Variants in SLC25A17 observed in about 807,000 individuals in gnomAD.
The protein encoded by SLC25A17 is solute carrier family 25 member 17.
A neutral mutation model predicts 38.5 loss-of-function variants in SLC25A17; 26 were observed. That is an observed-to-expected ratio of 0.68 (90% CI 0.50 to 0.94). The LOEUF (loss-of-function observed/expected upper bound fraction) is 0.94. Among genes scored for constraint, SLC25A17 ranks in the 40% least tolerant of loss-of-function variants. The pLI, the probability that SLC25A17 is intolerant of heterozygous loss-of-function variation, is 0.00. For synonymous variants in SLC25A17, 139 were observed against 136.2 expected (o/e 1.02, Z -0.14); for missense variants, 333 against 372.7 (o/e 0.89, Z 0.88).
chr22:40,794,159 A>C (rs1010762683), intron 3 of SLC25A17, among the ~76,000 whole-genome samples: 1 of 152,214 alleles, frequency 6.6e-6, no homozygotes, highest in African/African-American at 2.4e-5. Context: ...TAAAAAGCTA[A>C]AACAAGAAGT....
At chr22:40,778,874 T>G (rs932353614) in intron 5 of SLC25A17, 135 bp downstream of exon 5, 1 of 711,946 alleles carries the variant, frequency 1.4e-6, no homozygotes, top group South Asian at 1.9e-5. Context: ...TTAAACAAAT[T>G]TACAAGAAAA....
intron 4 of SLC25A17, among the ~76,000 whole-genome samples, chr22:40,784,801 A>G (rs549001697): frequency 1.3e-3 from 197 of 151,588 alleles, no homozygotes; most frequent in African/African-American, 4.6e-3. Flanking sequence ...AAAAAAAAAA[A>G]AAAAGAAAAG....
At chr22:40,815,021 G>A (rs1158186401) in intron 1 of SLC25A17, among the ~76,000 whole-genome samples, 8 of 151,694 alleles carry the variant, frequency 5.3e-5, no homozygotes, top group Non-Finnish European at 1.0e-4. Flanking sequence ...GGGTTTCACC[G>A]TGTTAGTCAG....
intron 1 of SLC25A17, among the ~76,000 whole-genome samples, chr22:40,809,545 T>C (rs761737881): frequency 1.2e-4 from 18 of 151,928 alleles, no homozygotes; most frequent in South Asian, 2.1e-4. Context: ...AGTGGGAGAA[T>C]TGCTTGAGCC....
At chr22:40,783,397 A>G (rs2057310654) in intron 4 of SLC25A17, among the ~76,000 whole-genome samples, 1 of 152,218 alleles carries the variant, frequency 6.6e-6, no homozygotes, top group South Asian at 2.1e-4. Flanking sequence ...ATCTAATCCA[A>G]TCACCAAGTG....
In SLC25A17 at chr22:40,816,816, A is replaced by G. The variant is rs547942987; in HGVS notation, c.54+2379T>C. ...AGTAGAGACGGGGTTTCACCATGTT[A>G]GCCAGGCTGGCCTCGAACTCCTGAC... On this transcript the variant is annotated intron_variant, in intron 1 of 8. Transcript: ENST00000435456. 9.2e-5 allele frequency among the ~76,000 whole-genome samples: 14 copies of G among 152,070 alleles called. No homozygotes were observed. The South Asian group carries it at 1.7e-3, about 18-fold the overall frequency.
At chr22:40,811,735 G>A (rs1293245899) in intron 1 of SLC25A17, among the ~76,000 whole-genome samples, 1 of 152,126 alleles carries the variant, frequency 6.6e-6, no homozygotes, top group African/African-American at 2.4e-5. Context: ...GCTCTCCCAT[G>A]AACTAACAGT....
chr22:40,792,277 G>A (rs562318406), intron 4 of SLC25A17, among the ~76,000 whole-genome samples: 28 of 152,102 alleles, frequency 1.8e-4, no homozygotes, highest in African/African-American at 6.3e-4. Context: ...AATCAGGTCT[G>A]CAATATGCAA....
intron 1 of SLC25A17, among the ~76,000 whole-genome samples, chr22:40,801,230 T>G (rs2057481588): frequency 6.8e-6 from 1 of 147,550 alleles, no homozygotes; most frequent in Non-Finnish European, 1.5e-5. Context: ...AGGCCTATTA[T>G]CAATTTAAAT....
At chr22:40,817,819 ACC>A (rs1198978132) in intron 1 of SLC25A17, among the ~76,000 whole-genome samples, 2 of 152,034 alleles carry the variant, frequency 1.3e-5, no homozygotes, top group Non-Finnish European at 2.9e-5. Context: ...GCCCCCTGAA[ACC>A]TATTTGCCTC....
chr22:40,799,004 G>C lies in SLC25A17; in HGVS notation c.115+19C>G, dbSNP rs2057456328. On this transcript the variant is annotated intron_variant, in intron 2 of 8. Transcript: ENST00000435456. ...TTGCTTCCTGACACCATACAAATAG[G>C]AGTATGATTTCTACTTACCCTGAAG... 6.5e-7 allele frequency: 1 copy of C among 1,534,988 alleles called. No individual in the cohort carries two copies. Among genetic ancestry groups the C allele is most frequent in the Non-Finnish European group, 9.0e-7 (1 of 1,109,208 alleles).
intron 4 of SLC25A17, 34 bp downstream of exon 4, chr22:40,792,491 A>G: frequency 6.5e-7 from 1 of 1,545,900 alleles, no homozygotes; most frequent in Non-Finnish European, 8.8e-7. Context: ...CAAGGTAAAT[A>G]TAAAAACATT....
intron 1 of SLC25A17, among the ~76,000 whole-genome samples, chr22:40,816,739 T>G (rs999277927): frequency 9.9e-5 from 15 of 151,952 alleles, no homozygotes; most frequent in African/African-American, 3.6e-4. Context: ...GCCTCCCGAG[T>G]AGCTGGGATT....
chr22:40,810,805 T>C (rs951939805), intron 1 of SLC25A17, among the ~76,000 whole-genome samples: 1 of 152,224 alleles, frequency 6.6e-6, no homozygotes, highest in African/African-American at 2.4e-5. Flanking sequence ...TAGTTGTTTG[T>C]TTTGGAATTT....
At chr22:40,783,637 C>T (rs2057312415) in intron 4 of SLC25A17, among the ~76,000 whole-genome samples, 1 of 151,598 alleles carries the variant, frequency 6.6e-6, no homozygotes, top group Non-Finnish European at 1.5e-5. Flanking sequence ...TTACCATTCC[C>T]AGCACTGAAG....
chr22:40,788,280 G>C (rs1264852452), intron 4 of SLC25A17, among the ~76,000 whole-genome samples: 3 of 152,150 alleles, frequency 2.0e-5, no homozygotes, highest in Admixed American at 1.3e-4. Context: ...GCTATGACAT[G>C]ATGGGCTTAA....
intron 1 of SLC25A17, among the ~76,000 whole-genome samples, chr22:40,813,350 C>T (rs1004197394): frequency 2.6e-5 from 4 of 151,984 alleles, no homozygotes; most frequent in Non-Finnish European, 5.9e-5. Context: ...CCAGCCTGGC[C>T]AACACGGTGA....
Position 40,777,267 on chromosome 22 carries a change from A to G in SLC25A17, c.558T>C (p.Tyr186=). The change falls in exon 6 of 9, where the codon TAT becomes TAC. Residue 186 remains tyrosine (Y), a synonymous_variant. Transcript: ENST00000435456. ...VFNPAIQFMF[Y]EGLKRQLLKK... ...TTAAAAGCTGCCGTTTTAAACCTTC[A>G]TAAAACATGAACTGGATGGCAGGAT... 3 of 1,614,236 alleles carry G rather than the reference A, an allele frequency of 1.9e-6. No homozygotes were observed. The highest frequency in any genetic ancestry group is 2.5e-6 in the Non-Finnish European group (3 of 1,180,030).
Position 40,806,612 on chromosome 22 carries a change from A to G in SLC25A17, c.55-7529T>C, listed in dbSNP as rs6002155. Reference sequence around the variant, plus strand: ...AAAGGTGAAATTAACATATTATAAAATTAACCATTTTAAAGTATTCCATTC... The same window carrying G: ...AAAGGTGAAATTAACATATTATAAAGTTAACCATTTTAAAGTATTCCATTC... On this transcript the variant is annotated intron_variant, in intron 1 of 8. Coordinates refer to ENST00000435456, the MANE Select transcript of SLC25A17 (RefSeq NM_006358.4). Among the ~76,000 whole-genome samples, 546 of 152,290 alleles carry G rather than the reference A, an allele frequency of 3.6e-3. 5 individuals are homozygous for G. Among genetic ancestry groups the G allele is most frequent in the African/African-American group, 0.013 (525 of 41,538 alleles).
Sources: gnomAD v4.1 joint callset for allele counts (sites outside exome capture counted in the v4.1 genomes callset) on GRCh38, gnomAD v4.1.1 for gene constraint, MANE v1.5 for transcripts, NCBI Gene and HGNC (gene_info 2026-07-23, HGNC 2026-07-21) for gene names.